DIAPH3: variants seen among roughly 807,000 people sequenced by gnomAD.
DIAPH3 encodes the protein diaphanous related formin 3, also known as protein diaphanous homolog 3.
DIAPH3 carries 117 observed loss-of-function variants against 144.3 expected under a neutral mutation model. That is an observed-to-expected ratio of 0.81 (90% CI 0.70 to 0.95). DIAPH3 has a LOEUF of 0.95. Ranked by LOEUF, DIAPH3 falls within the 40% of genes least tolerant of loss-of-function variation. The probability of loss-of-function intolerance (pLI) is 0.00; values close to 1 mark genes in which losing one functional copy is unlikely to be tolerated. For missense variants in DIAPH3, 1,421 were observed against 1,412.7 expected (o/e 1.01, Z -0.09); for synonymous variants, 519 against 488.9 (o/e 1.06, Z -0.81).
intron 4 of DIAPH3, among the ~76,000 whole-genome samples, chr13:60,066,953 T>C (rs1355395334): frequency 3.3e-5 from 5 of 152,222 alleles, no homozygotes; most frequent in African/African-American, 1.2e-4. Flanking sequence ...TATGGAAGTA[T>C]ATAATTGGTA....
At chr13:60,119,064 C>T (rs1197713421) in intron 2 of DIAPH3, among the ~76,000 whole-genome samples, 1 of 152,144 alleles carries the variant, frequency 6.6e-6, no homozygotes, top group Non-Finnish European at 1.5e-5. Flanking sequence ...TGTGGCAGCC[C>T]GTCTCTAAGA....
chr13:59,950,002 G>A (rs1457644862), intron 17 of DIAPH3, among the ~76,000 whole-genome samples: 3 of 152,146 alleles, frequency 2.0e-5, no homozygotes, highest in Non-Finnish European at 4.4e-5. Context: ...GGTAATAAAA[G>A]TAGTCTCTTA....
chr13:59,896,966 C>T (rs2046138130), intron 20 of DIAPH3, among the ~76,000 whole-genome samples: 1 of 152,100 alleles, frequency 6.6e-6, no homozygotes, highest in Non-Finnish European at 1.5e-5. Context: ...TATGGCATCC[C>T]CTTTGCTACT....
chr13:60,118,168 C>T (rs188376836), intron 2 of DIAPH3, among the ~76,000 whole-genome samples: 287 of 152,044 alleles, frequency 1.9e-3, no homozygotes, highest in African/African-American at 6.4e-3. Flanking sequence ...TTATCTCATA[C>T]TGAGTAATTA....
chr13:59,810,642 C>T, intron 25 of DIAPH3, 146 bp downstream of exon 25: 1 of 901,410 alleles, frequency 1.1e-6, no homozygotes, highest in Non-Finnish European at 1.7e-6. Flanking sequence ...GAAAGAAGAC[C>T]ATAAAGAAAG....
intron 20 of DIAPH3, among the ~76,000 whole-genome samples, chr13:59,898,287 T>C (rs1186483280): frequency 6.6e-6 from 1 of 152,138 alleles, no homozygotes; most frequent in African/African-American, 2.4e-5. Flanking sequence ...AGGTTCTATA[T>C]TCACGTATAT....
chr13:60,116,442 A>G (rs1015967133), intron 2 of DIAPH3, among the ~76,000 whole-genome samples: 8 of 152,094 alleles, frequency 5.3e-5, no homozygotes, highest in African/African-American at 1.7e-4. Context: ...AAACAAAAAC[A>G]AAAACTGAGA....
chr13:59,709,507 C>A (rs1398003903), intron 27 of DIAPH3, among the ~76,000 whole-genome samples: 2 of 152,220 alleles, frequency 1.3e-5, no homozygotes, highest in East Asian at 3.8e-4. Context: ...CTCACCATCA[C>A]TGGCCATCAG....
intron 20 of DIAPH3, among the ~76,000 whole-genome samples, chr13:59,895,446 A>C (rs1426575547): frequency 1.3e-5 from 2 of 150,854 alleles, no homozygotes; most frequent in Admixed American, 6.6e-5. Context: ...AAAAAAAACA[A>C]AAAAAAAACA....
chr13:60,028,921 T>C (rs2141083029), intron 5 of DIAPH3, among the ~76,000 whole-genome samples: 1 of 151,992 alleles, frequency 6.6e-6, no homozygotes, highest in East Asian at 1.9e-4. Flanking sequence ...TAGCCAGGTG[T>C]GGTGGCATGC....
chr13:59,883,051 T>C (rs2045188910), intron 20 of DIAPH3, among the ~76,000 whole-genome samples: 1 of 152,132 alleles, frequency 6.6e-6, no homozygotes, highest in Non-Finnish European at 1.5e-5. Flanking sequence ...TATATGTTGT[T>C]AGAGAGGGAA....
At chr13:59,709,072 T>C (rs2034583740) in intron 27 of DIAPH3, among the ~76,000 whole-genome samples, 3 of 152,184 alleles carry the variant, frequency 2.0e-5, no homozygotes, top group African/African-American at 4.8e-5. Flanking sequence ...TGCAGATCTA[T>C]GCCCATTTGG....
intron 4 of DIAPH3, among the ~76,000 whole-genome samples, chr13:60,045,335 C>T (rs1284410049): frequency 2.0e-5 from 3 of 150,678 alleles, no homozygotes; most frequent in Non-Finnish European, 2.9e-5. Flanking sequence ...ATTGAAACTC[C>T]GTCTCAAAAA....
At chr13:59,957,239 C>A (rs563275940) in intron 17 of DIAPH3, among the ~76,000 whole-genome samples, 4 of 152,074 alleles carry the variant, frequency 2.6e-5, no homozygotes, top group African/African-American at 9.7e-5. Context: ...TATCTCCACC[C>A]AAATCTTATC....
chr13:60,080,810 T>G (rs969567959), intron 4 of DIAPH3, among the ~76,000 whole-genome samples: 7 of 151,954 alleles, frequency 4.6e-5, no homozygotes, highest in Non-Finnish European at 8.8e-5. Context: ...ATAATACACA[T>G]TTATCCAAAG....
At chr13:60,025,349 C>T (rs2054302692) in intron 5 of DIAPH3, among the ~76,000 whole-genome samples, 2 of 134,366 alleles carry the variant, frequency 1.5e-5, no homozygotes. Flanking sequence ...GGTTCCTAGC[C>T]TGTCTTCTTA....
intron 20 of DIAPH3, among the ~76,000 whole-genome samples, chr13:59,908,827 G>A (rs888410607): frequency 6.6e-6 from 1 of 152,114 alleles, no homozygotes; most frequent in African/African-American, 2.4e-5. Context: ...GGAACCTAAA[G>A]ATGAAAGAGT....
intron 17 of DIAPH3, among the ~76,000 whole-genome samples, chr13:59,930,528 G>C (rs2047972880): frequency 6.6e-6 from 1 of 152,018 alleles, no homozygotes; most frequent in African/African-American, 2.4e-5. Flanking sequence ...AGTATTTGAA[G>C]GTGTAAAGGT....
Position 59,989,023 on chromosome 13 carries a change from A to G in DIAPH3, c.1361+2135T>C, listed in dbSNP as rs147905658. Among the ~76,000 whole-genome samples the G allele has an allele frequency of 5.9e-5, 9 of 152,034 alleles. No individual in the cohort carries two copies. The East Asian group carries it at 1.8e-3, about 30-fold the overall frequency. Reference sequence around the variant, plus strand: ...ATTTTTCCATCCACCAATTCTTTCAAATGAGAACATTTAACATTCTGCAAT... The same window carrying G: ...ATTTTTCCATCCACCAATTCTTTCAGATGAGAACATTTAACATTCTGCAAT... On this transcript the variant is annotated intron_variant, in intron 12 of 27. Transcript: ENST00000400324.
Sources: allele counts gnomAD v4.1 joint callset (sites outside exome capture counted in the v4.1 genomes callset), GRCh38; gene constraint gnomAD v4.1.1; transcripts MANE v1.5; gene names NCBI Gene and HGNC (gene_info 2026-07-23, HGNC 2026-07-21).